The following POLE3 variants were observed in gnomAD, a reference collection of about 807,000 sequenced individuals.
The protein encoded by POLE3 is DNA polymerase epsilon 3, accessory subunit, also known as DNA polymerase epsilon subunit 3.
A neutral mutation model predicts 16.1 loss-of-function variants in POLE3; 10 were observed. The observed-to-expected ratio is 0.62, with a 90% CI of 0.38 to 1.05. The LOEUF is 1.05. Ranked by LOEUF, POLE3 falls within the 50% of genes least tolerant of loss-of-function variation. The pLI, the probability that POLE3 is intolerant of heterozygous loss-of-function variation, is 0.01. For synonymous variants in POLE3, 83 were observed against 71.0 expected, an observed-to-expected ratio of 1.17 and a Z score of -0.85; for missense variants, 169 against 185.0, an observed-to-expected ratio of 0.91 and a Z score of 0.50.
At chr9:113,409,850 G>A (rs1432418787) in intron 3 of POLE3, 122 bp from the exon 4 acceptor site, 4 of 793,510 alleles carry the variant, frequency 5.0e-6, no homozygotes, top group Admixed American at 2.0e-5. Context: ...GTGTGACAGG[G>A]ATAAGTCCTT....
chr9:113,409,007 A>G (rs765951739), intron 4 of POLE3, 24 bp from the exon 5 acceptor site: 1 of 1,608,984 alleles, frequency 6.2e-7, no homozygotes, highest in Non-Finnish European at 8.5e-7. Flanking sequence ...ACAAGGGGTT[A>G]GGAGACAGAG....
At chr9:113,409,545 C>T (rs963644212) in intron 4 of POLE3, 65 bp downstream of exon 4, 9 of 963,772 alleles carry the variant, frequency 9.3e-6, no homozygotes, top group Admixed American at 3.5e-5. Flanking sequence ...AGGCTCAGGG[C>T]CTGGTGAACA....
At chr9:113,410,026 C>A (rs1224448033) in intron 3 of POLE3, 29 bp downstream of exon 3, 1 of 1,531,386 alleles carries the variant, frequency 6.5e-7, no homozygotes, top group Non-Finnish European at 8.8e-7. Flanking sequence ...GGTATCCCCG[C>A]GCCTCCCTTA....
chr9:113,409,372 A>C (rs1483454467), intron 4 of POLE3, among the ~76,000 whole-genome samples: 7 of 151,710 alleles, frequency 4.6e-5, no homozygotes, highest in South Asian at 2.1e-4. Context: ...AAAAAAAAAA[A>C]AAAAAACAAA....
chr9:113,410,482 C>T (rs1828082134), intron 1 of POLE3, 74 bp from the exon 2 acceptor site: 3 of 609,354 alleles, frequency 4.9e-6, no homozygotes, highest in Non-Finnish European at 8.7e-6. Flanking sequence ...GCCTCAAATA[C>T]CGGCGCATCC....
In POLE3 at chr9:113,408,574, C is replaced by T; in HGVS notation, c.*237G>A. The T allele has an allele frequency of 2.7e-6, 1 of 367,166 alleles. No homozygotes were observed. The highest frequency in any genetic ancestry group is 4.2e-5 in the Admixed American group (1 of 24,032). 22.7% of individuals were successfully genotyped at this position (367,166 alleles called of 1,614,324 possible). On this transcript the variant is annotated 3_prime_UTR_variant, in exon 5 of 5. Coordinates refer to ENST00000374171, the MANE Select transcript of POLE3 (RefSeq NM_017443.5). ...TGACTAATTTAGTCGTTCAGAATCC[C>T]TCTTGTCAAAAGGCCATAACCTTCA...
At position 113,407,709 on chromosome 9, in the gene POLE3, C is replaced by T. The variant is rs1827969998; in HGVS notation, c.*1102G>A. On this transcript the variant is annotated 3_prime_UTR_variant, in exon 5 of 5. Transcript: ENST00000374171. ...TGGGCCACAGAGTGAGAGACTCCAT[C>T]TCTTAAAAACAAAACGTGAGATTAG... 1 of 152,204 alleles carries T rather than the reference C, an allele frequency of 6.6e-6. No homozygotes were observed. The allele number at this position is 152,204 out of a possible 1,614,324, so 9.4% of individuals were successfully genotyped here.
At position 113,410,444 on chromosome 9, in the gene POLE3, T is replaced by C. The variant is rs1475063588; in HGVS notation, c.-115-36A>G. 9.0e-6 allele frequency: 6 copies of C among 664,946 alleles called. No individual in the cohort carries two copies. The African/African-American group carries it at 1.1e-4, about 12-fold the overall frequency. The allele number at this position is 664,946 out of a possible 1,614,324, so 41.2% of individuals were successfully genotyped here. On this transcript the variant is annotated intron_variant, in intron 1 of 4. Coordinates refer to ENST00000374171, the MANE Select transcript of POLE3 (RefSeq NM_017443.5). Reference sequence around the variant, plus strand: ...CCACAGTGCTCTGAGCGCCATAGCCTCCCTCCTCCCCCCACAGCCCCGCCT... The same window carrying C: ...CCACAGTGCTCTGAGCGCCATAGCCCCCCTCCTCCCCCCACAGCCCCGCCT...
chr9:113,410,255 G>A lies in POLE3; in HGVS notation c.39C>T (p.Ala13=), dbSNP rs755701925. Residue 13 remains alanine, a synonymous_variant, in exon 2 of 5, where the codon GCC becomes GCT. Coordinates refer to ENST00000374171, the MANE Select transcript of POLE3 (RefSeq NM_017443.5). ...ERPEDLNLPN[A]VITRIIKEAL... is the part of the protein sequence containing the mutation. ...CCTCCTTGATGATCCTGGTGATCAC[G>A]GCATTGGGCAGGTTTAGGTCCTCGG... The A allele has an allele frequency of 1.9e-6, 3 of 1,613,792 alleles. No individual in the cohort carries two copies. The highest frequency in any genetic ancestry group is 1.3e-5 in the African/African-American group (1 of 75,022).
Position 113,410,323 on chromosome 9 carries a change from G to A in POLE3, c.-30C>T, listed in dbSNP as rs1345987170. On this transcript the variant is annotated 5_prime_UTR_variant, in exon 2 of 5. Coordinates refer to ENST00000374171, the MANE Select transcript of POLE3 (RefSeq NM_017443.5). ...GCCGCTGGGGCTTAAACTCCCCTTC[G>A]CCTCCGCTTCAGGGAGCTACTGCGT... The A allele has an allele frequency of 1.9e-6, 3 of 1,603,524 alleles. No individual in the cohort carries two copies. The highest frequency in any genetic ancestry group is 2.7e-5 in the African/African-American group (2 of 74,696).
chr9:113,409,557 G>A lies in POLE3; in HGVS notation c.271+53C>T. 5.5e-6 allele frequency: 6 copies of A among 1,092,392 alleles called. No homozygotes were observed. The African/African-American group carries it at 6.1e-5, about 11-fold the overall frequency. 67.7% of individuals were successfully genotyped at this position (1,092,392 alleles called of 1,614,324 possible). A position where few individuals can be genotyped will look rare whatever the true frequency, so the allele number is the denominator to read the frequency against. On this transcript the variant is annotated intron_variant, in intron 4 of 4. Transcript: ENST00000374171. ...AGAAGGCTCAGGGCCTGGTGAACAG[G>A]TCACACAGGATGACCATCTTCTATG...
Position 113,407,737 on chromosome 9 carries a change from C to T in POLE3, c.*1074G>A, listed in dbSNP as rs1451284343. ...TTAAAAACAAAACGTGAGATTAGAA[C>T]TAAGGAATCAAGAGATCAGAGGAAC... On this transcript the variant is annotated 3_prime_UTR_variant, in exon 5 of 5. Coordinates refer to ENST00000374171, the MANE Select transcript of POLE3 (RefSeq NM_017443.5). The T allele has an allele frequency of 6.6e-6, 1 of 152,172 alleles. No homozygotes were observed. Among genetic ancestry groups the T allele is most frequent in the Non-Finnish European group, 1.5e-5 (1 of 68,050 alleles). 9.4% of individuals were successfully genotyped at this position (152,172 alleles called of 1,614,324 possible).
In POLE3 at chr9:113,407,808, C is replaced by G. The variant is rs1369686581; in HGVS notation, c.*1003G>C. 1 of 152,824 alleles carries G rather than the reference C, an allele frequency of 6.5e-6. No homozygotes were observed. The highest frequency in any genetic ancestry group is 1.5e-5 in the Non-Finnish European group (1 of 68,070). The allele number at this position is 152,824 out of a possible 1,614,324, so 9.5% of individuals were successfully genotyped here. ...CAGGTTATCAAAGCTTACAGACTGA[C>G]AGAAGTGAGAAAAGGAGGCAGATGA... On this transcript the variant is annotated 3_prime_UTR_variant, in exon 5 of 5. Transcript: ENST00000374171.
rs1420729597 is a variant in POLE3, at chr9:113,408,927, T to G, written c.328A>C (p.Lys110Gln). 1.9e-6 allele frequency: 3 copies of G among 1,613,626 alleles called. No individual in the cohort carries two copies. Among genetic ancestry groups the G allele is most frequent in the Non-Finnish European group, 2.5e-6 (3 of 1,179,804 alleles). The change falls in exon 5 of 5, where the codon AAA becomes CAA. Residue 110 changes from lysine (K) to glutamine (Q), a missense_variant. Physicochemically the swap from Lys to Gln is moderately conservative, Grantham distance 53. Coordinates refer to ENST00000374171, the MANE Select transcript of POLE3 (RefSeq NM_017443.5). ...TCTTCCGAGTCTGTTTTTTTGTCTT[T>G]GTCCTTCTTCTTTTGCTCTGAGGCC... ...KEASEQKKKD[K>Q]DKKTDSEEQD...
intron 1 of POLE3, 64 bp downstream of exon 1, chr9:113,410,553 C>A: frequency 1.7e-6 from 1 of 577,236 alleles, no homozygotes; most frequent in Non-Finnish European, 3.1e-6. Context: ...TACCGCACCC[C>A]GCACGCCCCT....
At position 113,407,450 on chromosome 9, in the gene POLE3, G is replaced by C. The variant is rs1463656471; in HGVS notation, c.*1361C>G. The C allele has an allele frequency of 2.0e-5, 3 of 151,972 alleles. No individual in the cohort carries two copies. Among genetic ancestry groups the C allele is most frequent in the Non-Finnish European group, 4.4e-5 (3 of 67,768 alleles). 9.4% of individuals were successfully genotyped at this position (151,972 alleles called of 1,614,324 possible). A position where few individuals can be genotyped will look rare whatever the true frequency, so the allele number is the denominator to read the frequency against. ...GGCCAACAGAGATATTTTAGAAGCAGTTAAAGAGGATGGTTTAGGGAGAGT... is the reference window on the plus strand; with the variant it reads ...GGCCAACAGAGATATTTTAGAAGCACTTAAAGAGGATGGTTTAGGGAGAGT... On this transcript the variant is annotated 3_prime_UTR_variant, in exon 5 of 5. Transcript: ENST00000374171.
chr9:113,409,903 T>C lies in POLE3; in HGVS notation c.152+152A>G, dbSNP rs10465130. The C allele has an allele frequency of 4.0e-6, 3 of 754,260 alleles. No homozygotes were observed. The East Asian group carries it at 7.9e-5, about 20-fold the overall frequency. 46.7% of individuals were successfully genotyped at this position (754,260 alleles called of 1,614,324 possible). A position where few individuals can be genotyped will look rare whatever the true frequency, so the allele number is the denominator to read the frequency against. On this transcript the variant is annotated intron_variant, in intron 3 of 4. Transcript: ENST00000374171. ...AAGCTAAAGCAAAGTGATTTTGTTG[T>C]GTTATTTTGCTTCAGAACTTGTAAA...
chr9:113,409,485 G>T, intron 4 of POLE3, 125 bp downstream of exon 4: 1 of 667,074 alleles, frequency 1.5e-6, no homozygotes, highest in South Asian at 1.7e-5. Flanking sequence ...GAACTGGGTC[G>T]AGTCACATCA....
chr9:113,408,640 T>G lies in POLE3; in HGVS notation c.*171A>C. On this transcript the variant is annotated 3_prime_UTR_variant, in exon 5 of 5. Coordinates refer to ENST00000374171, the MANE Select transcript of POLE3 (RefSeq NM_017443.5). ...ACAGGATTCTGCTACTCAGATGCTC[T>G]GAGTTTGGTAAGTGCTGGTTTTGAC... The G allele has an allele frequency of 8.4e-6, 5 of 591,736 alleles. No homozygotes were observed. The highest frequency in any genetic ancestry group is 2.7e-5 in the East Asian group (1 of 36,746). 36.7% of individuals were successfully genotyped at this position (591,736 alleles called of 1,614,324 possible).
Sources: allele counts gnomAD v4.1 joint callset (sites outside exome capture counted in the v4.1 genomes callset), GRCh38; gene constraint gnomAD v4.1.1; transcripts MANE v1.5; gene names NCBI Gene and HGNC (gene_info 2026-07-23, HGNC 2026-07-21).